PRKCB: variants seen among roughly 807,000 people sequenced by gnomAD.
The protein encoded by PRKCB is protein kinase C beta type.
A neutral mutation model predicts 81.5 loss-of-function variants in PRKCB; 13 were observed. The observed-to-expected ratio is 0.16, with a 90% confidence interval of 0.10 to 0.25. The LOEUF is 0.25. PRKCB is among the 10% of genes least tolerant of loss of function. PRKCB has a pLI of 1.00. For missense variants in PRKCB, 509 were observed against 875.7 expected (o/e 0.58, Z 5.29); for synonymous variants, 335 against 321.4 (o/e 1.04, Z -0.45).
chr16:24,116,573 C>T (rs1966740012), intron 8 of PRKCB, among the ~76,000 whole-genome samples: 1 of 152,134 alleles, frequency 6.6e-6, no homozygotes, highest in Admixed American at 6.5e-5. Flanking sequence ...GCTTATCAGT[C>T]ATTCTCCAGT....
At chr16:24,184,530 A>C (rs1967674258) in intron 13 of PRKCB, among the ~76,000 whole-genome samples, 1 of 152,350 alleles carries the variant, frequency 6.6e-6, no homozygotes, top group African/African-American at 2.4e-5. Flanking sequence ...ACACATACAC[A>C]CAGAGTTTAA....
intron 2 of PRKCB, among the ~76,000 whole-genome samples, chr16:23,913,202 C>T (rs1381285695): frequency 6.6e-6 from 1 of 152,002 alleles, no homozygotes; most frequent in Admixed American, 6.6e-5. Flanking sequence ...AGCAGGTGTA[C>T]CGAGAGGCAA....
At chr16:23,896,358 A>G (rs1963379860) in intron 2 of PRKCB, among the ~76,000 whole-genome samples, 2 of 152,278 alleles carry the variant, frequency 1.3e-5, no homozygotes, top group South Asian at 2.1e-4. Flanking sequence ...TCAATCAACA[A>G]ATATTTATTG....
chr16:24,110,489 G>A (rs1239305042), intron 7 of PRKCB, among the ~76,000 whole-genome samples: 2 of 148,256 alleles, frequency 1.3e-5, no homozygotes, highest in Admixed American at 1.3e-4. Context: ...GGGATTACAG[G>A]CATAAGCCAC....
intron 5 of PRKCB, among the ~76,000 whole-genome samples, chr16:24,075,117 CA>C (rs35609342): frequency 0.27 from 29,428 of 109,390 alleles, 2,905 homozygotes; most frequent in Middle Eastern, 0.38. Context: ...GACCCTATCT[CA>C]AAAAAAAAAA....
chr16:24,143,735 G>A (rs1726673440), intron 9 of PRKCB, among the ~76,000 whole-genome samples: 1 of 152,188 alleles, frequency 6.6e-6, no homozygotes, highest in African/African-American at 2.4e-5. Context: ...CTTGAATGAT[G>A]CTCTTCTCCC....
intron 3 of PRKCB, among the ~76,000 whole-genome samples, chr16:24,023,636 G>A (rs922360436): frequency 2.0e-5 from 3 of 152,106 alleles, no homozygotes; most frequent in African/African-American, 4.8e-5. Flanking sequence ...CCAAAGTGCT[G>A]GGATTACAGA....
chr16:24,037,698 G>T (rs1965641747), intron 5 of PRKCB, among the ~76,000 whole-genome samples: 1 of 152,010 alleles, frequency 6.6e-6, no homozygotes, highest in South Asian at 2.1e-4. Context: ...ATTTCTTCAA[G>T]TTCAAGGTCA....
In PRKCB at chr16:24,105,375, T is replaced by A. The variant is rs376006622; in HGVS notation, c.822-7598T>A. The stretch of plus-strand genomic sequence containing the variant: ...GCCTGGCCTTTTTTTCTTTTTTTTT[T>A]AAAATTTTACTTTAAGCTCTGGGAT... On this transcript the variant is annotated intron_variant, in intron 7 of 16. Coordinates refer to ENST00000643927, the MANE Select transcript of PRKCB (RefSeq NM_002738.7). Among the ~76,000 whole-genome samples, 93 of 152,116 alleles carry A rather than the reference T, an allele frequency of 6.1e-4. No homozygotes were observed. The East Asian group carries it at 8.1e-3, about 13-fold the overall frequency.
intron 3 of PRKCB, chr16:24,031,922 G>T: frequency 2.3e-6 from 1 of 440,432 alleles, no homozygotes; most frequent in Non-Finnish European, 4.1e-6. Flanking sequence ...GCTGCAAAGG[G>T]AACAATCATC....
chr16:24,072,741 C>G (rs886432329), intron 5 of PRKCB, among the ~76,000 whole-genome samples: 65 of 152,122 alleles, frequency 4.3e-4, no homozygotes, highest in African/African-American at 1.5e-3. Context: ...GCCACCAGAC[C>G]GAGCTAATTT....
At chr16:24,047,789 G>T (rs758467931) in intron 5 of PRKCB, among the ~76,000 whole-genome samples, 3 of 152,232 alleles carry the variant, frequency 2.0e-5, no homozygotes, top group African/African-American at 4.8e-5. Context: ...TAGGGCACAG[G>T]TTGGGACTAG....
intron 2 of PRKCB, among the ~76,000 whole-genome samples, chr16:23,902,688 C>G (rs553647349): frequency 6.6e-6 from 1 of 150,846 alleles, no homozygotes; most frequent in African/African-American, 2.4e-5. Flanking sequence ...GATGATAATG[C>G]GTTCAGGAAC....
intron 2 of PRKCB, among the ~76,000 whole-genome samples, chr16:23,929,484 CAT>C (rs1242785410): frequency 6.6e-6 from 1 of 152,074 alleles, no homozygotes; most frequent in Non-Finnish European, 1.5e-5. Flanking sequence ...TGAAATACCT[CAT>C]AGAGGGTTGT....
At chr16:24,083,509 A>T (rs947013989) in intron 5 of PRKCB, among the ~76,000 whole-genome samples, 6 of 152,240 alleles carry the variant, frequency 3.9e-5, no homozygotes, top group Non-Finnish European at 2.9e-5. Flanking sequence ...AAAAAGAATT[A>T]ACTGTTCATA....
intron 2 of PRKCB, among the ~76,000 whole-genome samples, chr16:23,987,808 A>G (rs981293645): frequency 3.3e-5 from 5 of 152,202 alleles, no homozygotes; most frequent in Admixed American, 3.3e-4. Flanking sequence ...CAACAACAAC[A>G]ACAACAAAGC....
At chr16:24,067,793 C>A (rs994537582) in intron 5 of PRKCB, among the ~76,000 whole-genome samples, 3 of 151,972 alleles carry the variant, frequency 2.0e-5, no homozygotes, top group African/African-American at 7.2e-5. Context: ...ATAGTGAAGC[C>A]CCATCTCTAC....
chr16:23,863,926 C>G (rs1289656746), intron 2 of PRKCB, among the ~76,000 whole-genome samples: 2 of 152,210 alleles, frequency 1.3e-5, no homozygotes, highest in Non-Finnish European at 2.9e-5. Flanking sequence ...CTCTCTCTCT[C>G]TCTTTGTTTA....
chr16:23,902,054 C>T (rs556874848), intron 2 of PRKCB, among the ~76,000 whole-genome samples: 25 of 152,100 alleles, frequency 1.6e-4, no homozygotes, highest in Admixed American at 2.6e-4. Context: ...GGAATTTTTA[C>T]CCCCAGGAAG....
Sources: gnomAD v4.1 joint callset for allele counts (sites outside exome capture counted in the v4.1 genomes callset) on GRCh38, gnomAD v4.1.1 for gene constraint, MANE v1.5 for transcripts, NCBI Gene and HGNC (gene_info 2026-07-23, HGNC 2026-07-21) for gene names.